The following GPD1L variants were observed in gnomAD, a reference collection of about 807,000 sequenced individuals.
The protein encoded by GPD1L is glycerol-3-phosphate dehydrogenase 1-like protein.
Under a neutral mutation model 32.9 loss-of-function variants are expected in GPD1L, and 17 were observed. The ratio of observed to expected loss-of-function variants is 0.52; its 90% CI spans 0.35 to 0.78. GPD1L has a LOEUF of 0.78. Among genes scored for constraint, GPD1L ranks in the 30% least tolerant of loss-of-function variants. The pLI is 0.01. For missense variants in GPD1L, 361 were observed against 447.8 expected (o/e 0.81, Z 1.75); for synonymous variants, 187 against 165.9 (o/e 1.13, Z -0.98).
At chr3:32,145,135 A>G (rs1418609520) in intron 4 of GPD1L, among the ~76,000 whole-genome samples, 1 of 151,952 alleles carries the variant, frequency 6.6e-6, no homozygotes, top group Non-Finnish European at 1.5e-5. Flanking sequence ...CCTGGCCAAC[A>G]TGGCGAAACC....
intron 5 of GPD1L, among the ~76,000 whole-genome samples, chr3:32,154,091 T>C (rs1214483132): frequency 6.6e-6 from 1 of 152,130 alleles, no homozygotes; most frequent in Non-Finnish European, 1.5e-5. Flanking sequence ...CTCAGTATCT[T>C]TATTTTTCTT....
intron 3 of GPD1L, 75 bp downstream of exon 3, chr3:32,138,802 T>C (rs1559576472): frequency 2.0e-6 from 3 of 1,473,662 alleles, no homozygotes; most frequent in African/African-American, 2.8e-5. Flanking sequence ...TTTCATCTGC[T>C]TGAGATTTGG....
chr3:32,140,428 T>C, intron 4 of GPD1L, 62 bp downstream of exon 4: 1 of 1,552,878 alleles, frequency 6.4e-7, no homozygotes, highest in Non-Finnish European at 8.9e-7. Flanking sequence ...CATGTACATA[T>C]TCCATTTCTG....
At chr3:32,120,944 G>A (rs567663600) in intron 1 of GPD1L, among the ~76,000 whole-genome samples, 4 of 152,242 alleles carry the variant, frequency 2.6e-5, no homozygotes, top group South Asian at 4.2e-4. Context: ...GGCTGGAGGC[G>A]GGGAGGGCAT....
intron 4 of GPD1L, 77 bp from the exon 5 acceptor site, chr3:32,146,545 T>A: frequency 1.2e-6 from 1 of 832,780 alleles, no homozygotes; most frequent in Non-Finnish European, 2.1e-6. Context: ...AGTAGAAACT[T>A]ATTTTAAAGT....
At chr3:32,128,314 C>T (rs1386891425) in intron 2 of GPD1L, 61 bp downstream of exon 2, 11 of 1,401,774 alleles carry the variant, frequency 7.8e-6, no homozygotes, top group African/African-American at 1.4e-5. Flanking sequence ...GGCTGAGCAG[C>T]ACTTGGGTTT....
intron 7 of GPD1L, among the ~76,000 whole-genome samples, chr3:32,160,954 AG>A (rs1701066468): frequency 6.6e-6 from 1 of 152,136 alleles, no homozygotes; most frequent in Non-Finnish European, 1.5e-5. Flanking sequence ...TCTCTAGGGG[AG>A]GGGAGGTCTT....
intron 4 of GPD1L, among the ~76,000 whole-genome samples, chr3:32,145,785 A>T (rs758124278): frequency 6.6e-6 from 1 of 152,256 alleles, no homozygotes; most frequent in Non-Finnish European, 1.5e-5. Flanking sequence ...ACAAACTGAC[A>T]TAGTTCTAAC....
intron 2 of GPD1L, 53 bp from the exon 3 acceptor site, chr3:32,138,534 A>C (rs2125485121): frequency 6.4e-7 from 1 of 1,564,992 alleles, no homozygotes; most frequent in East Asian, 2.2e-5. Flanking sequence ...CCTTGTGGAC[A>C]GGCAAGGTTT....
At chr3:32,155,397 C>T (rs1485823678) in intron 5 of GPD1L, among the ~76,000 whole-genome samples, 1 of 152,184 alleles carries the variant, frequency 6.6e-6, no homozygotes, top group Non-Finnish European at 1.5e-5. Flanking sequence ...AGTGCCTCCC[C>T]TCCTCTGTTG....
intron 2 of GPD1L, among the ~76,000 whole-genome samples, chr3:32,131,571 C>T (rs762488398): frequency 6.6e-6 from 1 of 152,174 alleles, no homozygotes; most frequent in Non-Finnish European, 1.5e-5. Flanking sequence ...CATGTTGTAG[C>T]ATGTATCAAT....
chr3:32,121,714 C>CATATATTTCTATAT (rs1194782262), intron 1 of GPD1L, among the ~76,000 whole-genome samples: 16 of 124,428 alleles, frequency 1.3e-4, no homozygotes, highest in East Asian at 9.9e-4. Flanking sequence ...TATATTTCTA[C>CATATATTTCTATAT]ATATATTTCT....
intron 2 of GPD1L, 26 bp from the exon 3 acceptor site, chr3:32,138,561 C>T (rs543054841): frequency 3.5e-5 from 57 of 1,612,378 alleles, no homozygotes; most frequent in Middle Eastern, 1.7e-4. Context: ...AGAGGAGAAA[C>T]GGTCTTCTCT....
At chr3:32,148,458 C>T (rs1425385809) in intron 5 of GPD1L, among the ~76,000 whole-genome samples, 1 of 152,162 alleles carries the variant, frequency 6.6e-6, no homozygotes, top group Non-Finnish European at 1.5e-5. Flanking sequence ...TAATCATCCT[C>T]CCTGCAACTT....
chr3:32,159,784 T>C, intron 7 of GPD1L, 110 bp downstream of exon 7: 1 of 741,206 alleles, frequency 1.3e-6, no homozygotes, highest in Non-Finnish European at 2.5e-6. Flanking sequence ...CCCTTAGAAC[T>C]TATCTGGATT....
At chr3:32,120,828 TCCTTGGCTGAAGTAGTA>T (rs1700401804) in intron 1 of GPD1L, among the ~76,000 whole-genome samples, 1 of 152,300 alleles carries the variant, frequency 6.6e-6, no homozygotes, top group South Asian at 2.1e-4. Context: ...AGGCGTCCAT[TCCTTGGCTGAAGTAGTA>T]CCTCCCCAGC....
intron 2 of GPD1L, among the ~76,000 whole-genome samples, chr3:32,128,881 G>C (rs1380051244): frequency 2.6e-5 from 4 of 152,174 alleles, no homozygotes; most frequent in Non-Finnish European, 4.4e-5. Flanking sequence ...CTAATACAAT[G>C]GTCTGTAATT....
rs1459167619 is a variant in GPD1L, at chr3:32,128,139, A to G, written c.111A>G (p.Thr37=). The G allele has an allele frequency of 6.2e-7, 1 of 1,612,238 alleles. No homozygotes were observed. The highest frequency in any genetic ancestry group is 8.5e-7 in the Non-Finnish European group (1 of 1,178,372). ...AGAAACTTCAGAAATTTGCCTCCAC[A>G]GTCAAGATGTGGGTCTTTGAAGAAA... is the stretch of plus-strand genomic sequence containing the variant. ...NVKKLQKFAS[T]VKMWVFEETV... The change falls in exon 2 of 8, where the codon ACA becomes ACG. Residue 37 remains threonine (T), a synonymous_variant. Transcript: ENST00000282541.
chr3:32,127,991 A>G (rs941588712), intron 1 of GPD1L, 85 bp from the exon 2 acceptor site: 2 of 930,342 alleles, frequency 2.1e-6, no homozygotes, highest in African/African-American at 3.3e-5. Context: ...GAATCAAAAC[A>G]CAAGTCTTCT....
Sources: allele counts gnomAD v4.1 joint callset (sites outside exome capture counted in the v4.1 genomes callset), GRCh38; gene constraint gnomAD v4.1.1; transcripts MANE v1.5; gene names NCBI Gene and HGNC (gene_info 2026-07-23, HGNC 2026-07-21).